Variants in SOX5 observed in about 807,000 individuals in gnomAD.
The protein encoded by SOX5 is transcription factor SOX-5.
SOX5 carries 9 observed loss-of-function variants against 92.0 expected under a neutral mutation model. The observed-to-expected ratio is 0.10, with a 90% CI of 0.06 to 0.17. SOX5 has a LOEUF of 0.17. SOX5 is among the 10% of genes least tolerant of loss of function. The pLI, the probability that SOX5 is intolerant of heterozygous loss-of-function variation, is 1.00. For synonymous variants in SOX5, 344 were observed against 336.3 expected (o/e 1.02, Z -0.25); for missense variants, 642 against 944.5 (o/e 0.68, Z 4.20).
At chr12:24,294,451 T>C (rs563126734) in intron 2 of SOX5, among the ~76,000 whole-genome samples, 1 of 152,302 alleles carries the variant, frequency 6.6e-6, no homozygotes, top group African/African-American at 2.4e-5. Flanking sequence ...ATAAAGCACT[T>C]TAGTTTCTTG....
chr12:24,042,808 T>C (rs1052835203), intron 4 of SOX5, among the ~76,000 whole-genome samples: 1 of 152,182 alleles, frequency 6.6e-6, no homozygotes, highest in Non-Finnish European at 1.5e-5. Flanking sequence ...ATACAGATAA[T>C]AGCCTTCATT....
chr12:24,046,272 AC>A (rs11295839), intron 4 of SOX5, among the ~76,000 whole-genome samples: 75,092 of 151,872 alleles, frequency 0.49, 18,723 homozygotes, highest in East Asian at 0.66. Flanking sequence ...TAAAAGCGAA[AC>A]TTGGGGCGGG....
chr12:23,635,438 T>C (rs1407587195), intron 8 of SOX5, among the ~76,000 whole-genome samples: 1 of 151,958 alleles, frequency 6.6e-6, no homozygotes, highest in African/African-American at 2.4e-5. Context: ...AAACACCACA[T>C]GTTCTCACTC....
intron 1 of SOX5, among the ~76,000 whole-genome samples, chr12:23,938,929 T>C (rs940749626): frequency 3.3e-5 from 5 of 151,040 alleles, no homozygotes; most frequent in African/African-American, 1.2e-4. Flanking sequence ...AGTATGTTAT[T>C]AAACAAAAAA....
chr12:24,382,852 G>T (rs924797800), intron 1 of SOX5, among the ~76,000 whole-genome samples: 2 of 152,104 alleles, frequency 1.3e-5, no homozygotes, highest in African/African-American at 4.8e-5. Context: ...GGGAAGAATA[G>T]ATTTACCCTT....
At chr12:23,733,132 A>C (rs1330486943) in intron 6 of SOX5, among the ~76,000 whole-genome samples, 1 of 152,178 alleles carries the variant, frequency 6.6e-6, no homozygotes, top group Non-Finnish European at 1.5e-5. Context: ...TATGAGTTGA[A>C]ATCTATTTTT....
At chr12:23,679,621 T>C (rs2086262351) in intron 6 of SOX5, among the ~76,000 whole-genome samples, 1 of 152,164 alleles carries the variant, frequency 6.6e-6, no homozygotes, top group Non-Finnish European at 1.5e-5. Context: ...CAAAACTTCC[T>C]AAATGGTCAG....
intron 2 of SOX5, among the ~76,000 whole-genome samples, chr12:23,862,776 T>A (rs907679113): frequency 6.6e-6 from 1 of 152,224 alleles, no homozygotes; most frequent in Non-Finnish European, 1.5e-5. Flanking sequence ...TGAATTTACG[T>A]GCTACCTGAG....
intron 4 of SOX5, among the ~76,000 whole-genome samples, chr12:24,132,012 T>C (rs560507570): frequency 5.9e-5 from 9 of 152,326 alleles, no homozygotes; most frequent in South Asian, 4.1e-4. Context: ...TATCATTTCA[T>C]TGATAATTTA....
chr12:23,654,035 A>G (rs572048348), intron 7 of SOX5, among the ~76,000 whole-genome samples: 134 of 152,262 alleles, frequency 8.8e-4, no homozygotes, highest in Non-Finnish European at 1.6e-3. Context: ...CAAAAGCCTA[A>G]GGTTTAGTAG....
At chr12:24,234,354 A>G (rs1300417892) in intron 3 of SOX5, among the ~76,000 whole-genome samples, 1 of 152,190 alleles carries the variant, frequency 6.6e-6, no homozygotes, top group Non-Finnish European at 1.5e-5. Flanking sequence ...AAAGCTTCCT[A>G]AAATACACCA....
intron 3 of SOX5, among the ~76,000 whole-genome samples, chr12:24,230,364 A>T (rs1342751433): frequency 1.3e-5 from 2 of 152,166 alleles, no homozygotes; most frequent in African/African-American, 4.8e-5. Flanking sequence ...GCCAGGAACA[A>T]AGGAACCAGC....
At position 23,970,841 on chromosome 12, in the gene SOX5, A is replaced by ATAAAATT; in HGVS notation, c.-1-74818_-1-74817insAATTTTA. Among the ~76,000 whole-genome samples, 80 of 21,884 alleles carry ATAAAATT rather than the reference A, an allele frequency of 3.7e-3. 22 individuals are homozygous for ATAAAATT. In the South Asian group the frequency reaches 0.11, roughly 31 times the overall value. 14.4% of individuals were successfully genotyped at this position (21,884 alleles called of 152,430 possible). A position where few individuals can be genotyped will look rare whatever the true frequency, so the allele number is the denominator to read the frequency against. On this transcript the variant is annotated intron_variant, in intron 4 of 4. Coordinates refer to the SOX5 transcript ENST00000446891. Reference sequence around the variant, plus strand: ...ACATGGGACTTTATATATATATATAATTTTTTTTTTTTTTTAAGAAATGGG... The same window carrying ATAAAATT: ...ACATGGGACTTTATATATATATATAATAAAATTTTTTTTTTTTTTTTTAAGAAATGGG...
intron 1 of SOX5, among the ~76,000 whole-genome samples, chr12:24,447,688 C>T (rs1299202032): frequency 3.3e-5 from 5 of 152,138 alleles, no homozygotes; most frequent in Non-Finnish European, 5.9e-5. Context: ...ATACTATCTT[C>T]GCAACTTTTC....
At chr12:23,619,554 C>T (rs2076944927) in intron 8 of SOX5, among the ~76,000 whole-genome samples, 1 of 152,038 alleles carries the variant, frequency 6.6e-6, no homozygotes, top group African/African-American at 2.4e-5. Context: ...CATTTTAATA[C>T]AGTAGTAGGG....
At chr12:23,951,147 G>A (rs965209855), upstream of SOX5, 9 of 433,208 alleles carry the variant, frequency 2.1e-5, no homozygotes, top group Non-Finnish European at 3.8e-5. Flanking sequence ...TAGATTTTCT[G>A]TGGAGAATTC....
At chr12:24,385,937 AAAAAAAAAGAG>A (rs1419772825) in intron 1 of SOX5, among the ~76,000 whole-genome samples, 1 of 150,412 alleles carries the variant, frequency 6.6e-6, no homozygotes, top group Non-Finnish European at 1.5e-5. Flanking sequence ...AAAAAAAAAA[AAAAAAAAAGAG>A]AGAGAGATTT....
intron 8 of SOX5, among the ~76,000 whole-genome samples, chr12:23,619,083 A>G (rs900122743): frequency 8.5e-5 from 13 of 152,158 alleles, no homozygotes; most frequent in Non-Finnish European, 1.3e-4. Flanking sequence ...TTACTAACAA[A>G]CAACACATAT....
At chr12:23,837,976 T>C (rs1158328770) in intron 3 of SOX5, among the ~76,000 whole-genome samples, 4 of 124,758 alleles carry the variant, frequency 3.2e-5, no homozygotes, top group African/African-American at 1.2e-4. Flanking sequence ...ATTTATATAA[T>C]ATATATTTAT....
Sources: allele counts gnomAD v4.1 joint callset (sites outside exome capture counted in the v4.1 genomes callset), GRCh38; gene constraint gnomAD v4.1.1; transcripts MANE v1.5; gene names NCBI Gene and HGNC (gene_info 2026-07-23, HGNC 2026-07-21).